Variants in TMX2 observed in about 807,000 individuals in gnomAD.
TMX2 encodes the protein thioredoxin related transmembrane protein 2.
A neutral mutation model predicts 33.4 loss-of-function variants in TMX2; 20 were observed. The ratio of observed to expected loss-of-function variants is 0.60; its 90% CI spans 0.42 to 0.87. The LOEUF (loss-of-function observed/expected upper bound fraction) is 0.87, where lower values mean the gene tolerates loss of function less well. Ranked by LOEUF, TMX2 falls within the 40% of genes least tolerant of loss-of-function variation. The pLI is 0.00. For synonymous variants in TMX2, 166 were observed against 140.7 expected (o/e 1.18, Z -1.27); for missense variants, 340 against 370.7 (o/e 0.92, Z 0.68).
At chr11:57,719,816 C>T (rs1362780517) in intron 1 of TMX2, among the ~76,000 whole-genome samples, 2 of 151,982 alleles carry the variant, frequency 1.3e-5, no homozygotes, top group African/African-American at 2.4e-5. Flanking sequence ...CTGCACCCTG[C>T]CTTGAAAATG....
At chr11:57,714,587 T>G (rs915726795) in intron 1 of TMX2, among the ~76,000 whole-genome samples, 15 of 151,638 alleles carry the variant, frequency 9.9e-5, no homozygotes, top group Non-Finnish European at 1.6e-4. Flanking sequence ...AAAGGCAGGG[T>G]TTTTAGTTTT....
At chr11:57,716,449 C>T (rs1321315665) in intron 1 of TMX2, among the ~76,000 whole-genome samples, 1 of 135,400 alleles carries the variant, frequency 7.4e-6, no homozygotes, top group Admixed American at 7.1e-5. Flanking sequence ...GGGCTGACCC[C>T]CCCACCTCCC....
chr11:57,729,055 CG>C (rs1229165999), intron 1 of TMX2, among the ~76,000 whole-genome samples: 5 of 151,760 alleles, frequency 3.3e-5, no homozygotes, highest in Non-Finnish European at 7.4e-5. Context: ...GCAAGCAGCA[CG>C]CATCAATCCA....
intron 1 of TMX2, among the ~76,000 whole-genome samples, chr11:57,730,494 TG>T (rs967241653): frequency 2.1e-5 from 3 of 140,776 alleles, no homozygotes; most frequent in African/African-American, 7.8e-5. Context: ...CCCAGCACTT[TG>T]GGAGGCCGAG....
At chr11:57,715,637 C>T (rs11822540) in intron 1 of TMX2, among the ~76,000 whole-genome samples, 1 of 141,050 alleles carries the variant, frequency 7.1e-6, no homozygotes, top group Non-Finnish European at 1.5e-5. Context: ...CAGAGGGGGA[C>T]TTGGCAGGGT....
At chr11:57,718,210 C>T in intron 1 of TMX2, 1 of 1,407,144 alleles carries the variant, frequency 7.1e-7, no homozygotes. Flanking sequence ...AGCTGGGAAC[C>T]TTTTGTGTTG....
chr11:57,719,645 T>C (rs1409774924), intron 1 of TMX2, among the ~76,000 whole-genome samples: 1 of 149,556 alleles, frequency 6.7e-6, no homozygotes, highest in African/African-American at 2.5e-5. Context: ...GCCTTCTGAG[T>C]AGCTGGGATT....
chr11:57,716,605 G>A (rs1243245012), intron 1 of TMX2, among the ~76,000 whole-genome samples: 1 of 131,440 alleles, frequency 7.6e-6, no homozygotes, highest in African/African-American at 2.9e-5. Context: ...GCGGCTGGCC[G>A]GGTGGGGGGC....
intron 1 of TMX2, chr11:57,718,409 C>T (rs1947321608): frequency 4.3e-6 from 6 of 1,379,400 alleles, no homozygotes; most frequent in Non-Finnish European, 6.2e-6. Context: ...TCCTTTTTGT[C>T]CAGTGCTCAG....
chr11:57,740,226 A>G lies in TMX2; in HGVS notation c.872A>G (p.Glu291Gly), dbSNP rs1339070530. ...ACCCCCACCACAGTGTCAGATGGGG[A>G]AAACAAGAAGGATAAATAAGATCCT... ...ASTPTTVSDG[E>G]NKKDK Residue 291 changes from glutamate to glycine, a missense_variant, in exon 8 of 8, where the codon GAA becomes GGA. Coordinates refer to ENST00000278422, the MANE Select transcript of TMX2 (RefSeq NM_015959.4). 1.2e-6 allele frequency: 2 copies of G among 1,606,094 alleles called. No homozygotes were observed. Among genetic ancestry groups the G allele is most frequent in the Non-Finnish European group, 1.7e-6 (2 of 1,177,342 alleles).
chr11:57,715,228 C>T (rs1357637207), intron 1 of TMX2, among the ~76,000 whole-genome samples: 7 of 151,802 alleles, frequency 4.6e-5, no homozygotes, highest in South Asian at 2.1e-4. Flanking sequence ...GGTGTAACCC[C>T]GTCTCTACTA....
chr11:57,715,045 A>C (rs1946885757), intron 1 of TMX2, among the ~76,000 whole-genome samples: 1 of 152,196 alleles, frequency 6.6e-6, no homozygotes, highest in Admixed American at 6.5e-5. Context: ...TACAGTTTCA[A>C]AGTTATCAGA....
intron 1 of TMX2, among the ~76,000 whole-genome samples, chr11:57,717,858 A>G (rs1378844865): frequency 6.6e-6 from 1 of 152,000 alleles, no homozygotes; most frequent in East Asian, 1.9e-4. Flanking sequence ...TCATAATCAT[A>G]AACTTAACTG....
At position 57,738,408 on chromosome 11, in the gene TMX2, A is replaced by G; in HGVS notation, c.419A>G (p.Tyr140Cys). 1.2e-6 allele frequency: 2 copies of G among 1,612,028 alleles called. No homozygotes were observed. Among genetic ancestry groups the G allele is most frequent in the Non-Finnish European group, 1.7e-6 (2 of 1,178,190 alleles). ...TATATGGGCCCTGAGTATATCAAGT[A>G]CTTCAATGATAAAACCATTGATGTG... Reference protein sequence around the residue: ...PLYMGPEYIKYFNDKTIDEEL... With the variant: ...PLYMGPEYIKCFNDKTIDEEL... The change falls in exon 4 of 8, where the codon TAC becomes TGC. Residue 140 changes from tyrosine (Y) to cysteine (C), a missense_variant. By Grantham distance (194) the Tyr-to-Cys change is radical. Coordinates refer to ENST00000278422, the MANE Select transcript of TMX2 (RefSeq NM_015959.4).
chr11:57,718,653 C>CTT (rs35097323), intron 1 of TMX2: 1,077 of 208,238 alleles, frequency 5.2e-3, no homozygotes, highest in South Asian at 9.2e-3. Context: ...AACCCCCCCT[C>CTT]TTTTTTTTTT....
At chr11:57,728,735 TAG>T (rs1274029076) in intron 1 of TMX2, among the ~76,000 whole-genome samples, 2 of 151,554 alleles carry the variant, frequency 1.3e-5, no homozygotes, top group African/African-American at 2.4e-5. Context: ...GTTGCTTTCA[TAG>T]AGACTGAGTT....
chr11:57,735,538 T>G (rs1456244904), intron 1 of TMX2, among the ~76,000 whole-genome samples: 2 of 152,182 alleles, frequency 1.3e-5, no homozygotes, highest in African/African-American at 4.8e-5. Context: ...CATAAAAAGT[T>G]GCAACCTGCT....
At chr11:57,726,003 A>ATG (rs1314545992) in intron 1 of TMX2, among the ~76,000 whole-genome samples, 3 of 152,210 alleles carry the variant, frequency 2.0e-5, no homozygotes, top group Non-Finnish European at 4.4e-5. Flanking sequence ...AGATACAGAT[A>ATG]TGTATATATA....
chr11:57,738,622 G>T, intron 4 of TMX2, 42 bp from the exon 5 acceptor site: 1 of 1,538,408 alleles, frequency 6.5e-7, no homozygotes, highest in Non-Finnish European at 9.0e-7. Flanking sequence ...TTCCCAGGAG[G>T]CTATGTGGAT....
Sources: gnomAD v4.1 joint callset for allele counts (sites outside exome capture counted in the v4.1 genomes callset) on GRCh38, gnomAD v4.1.1 for gene constraint, MANE v1.5 for transcripts, NCBI Gene and HGNC (gene_info 2026-07-23, HGNC 2026-07-21) for gene names.